COL25A1: variants seen among roughly 807,000 people sequenced by gnomAD.
COL25A1 encodes the protein collagen type XXV alpha 1 chain.
In COL25A1, 103 loss-of-function variants were observed where a neutral mutation model predicts 128.4. That is an observed-to-expected ratio of 0.80 (90% CI 0.68 to 0.94). COL25A1 has a LOEUF of 0.94. Ranked by LOEUF, COL25A1 falls within the 40% of genes least tolerant of loss-of-function variation. The probability of loss-of-function intolerance (pLI) is 0.00; values close to 1 mark genes in which losing one functional copy is unlikely to be tolerated. For synonymous variants in COL25A1, 279 were observed against 277.2 expected (o/e 1.01, Z -0.06); for missense variants, 745 against 840.0 (o/e 0.89, Z 1.40).
intron 3 of COL25A1, among the ~76,000 whole-genome samples, chr4:109,173,278 AG>A (rs1384793427): frequency 1.3e-5 from 2 of 151,966 alleles, no homozygotes; most frequent in Non-Finnish European, 2.9e-5. Flanking sequence ...AGTAGAGATG[AG>A]GTCTCACTAT....
At chr4:108,834,391 C>A in intron 31 of COL25A1, 1 of 1,550,504 alleles carries the variant, frequency 6.4e-7, no homozygotes, top group Non-Finnish European at 8.7e-7. Flanking sequence ...CAGATGCTCC[C>A]TGTGTGATTT....
At chr4:108,896,835 A>G in intron 15 of COL25A1, 124 bp from the exon 16 acceptor site, 1 of 804,902 alleles carries the variant, frequency 1.2e-6, no homozygotes, top group Non-Finnish European at 2.1e-6. Flanking sequence ...AATGCTCTAT[A>G]GAGCTAATGT....
At chr4:108,929,820 TG>T (rs2125913331) in intron 11 of COL25A1, among the ~76,000 whole-genome samples, 1 of 152,262 alleles carries the variant, frequency 6.6e-6, no homozygotes, top group East Asian at 1.9e-4. Context: ...AGCAAGACCC[TG>T]TCTCTAAAAC....
At chr4:109,238,728 C>T (rs765724126) in intron 3 of COL25A1, among the ~76,000 whole-genome samples, 15 of 152,048 alleles carry the variant, frequency 9.9e-5, no homozygotes, top group Non-Finnish European at 2.1e-4. Context: ...CTCTGCTTCT[C>T]CTTGGGACTA....
intron 3 of COL25A1, among the ~76,000 whole-genome samples, chr4:109,148,640 T>C (rs1304660975): frequency 6.6e-6 from 1 of 152,190 alleles, no homozygotes; most frequent in African/African-American, 2.4e-5. Context: ...CCATCCTCCA[T>C]ACTGTTGCAA....
intron 3 of COL25A1, among the ~76,000 whole-genome samples, chr4:109,241,864 T>C (rs1485270124): frequency 1.3e-5 from 2 of 152,098 alleles, no homozygotes; most frequent in African/African-American, 4.8e-5. Context: ...CTTTAATTCA[T>C]TTGTACAGAT....
intron 3 of COL25A1, among the ~76,000 whole-genome samples, chr4:109,102,093 T>C (rs1178454679): frequency 1.3e-5 from 2 of 152,218 alleles, no homozygotes; most frequent in East Asian, 1.9e-4. Context: ...GTTCACCTTA[T>C]AGAAATCAAT....
At chr4:109,288,110 C>G (rs191522080) in intron 3 of COL25A1, among the ~76,000 whole-genome samples, 1 of 152,278 alleles carries the variant, frequency 6.6e-6, no homozygotes, top group Admixed American at 6.5e-5. Context: ...ATGCTCATAT[C>G]AGGCAAATGC....
chr4:109,264,850 C>T (rs1006020435), intron 3 of COL25A1, among the ~76,000 whole-genome samples: 11 of 152,170 alleles, frequency 7.2e-5, no homozygotes, highest in Admixed American at 2.6e-4. Flanking sequence ...GTGGTTTTGA[C>T]TCTAATGTTA....
chr4:109,013,316 ACT>A (rs1374201028), intron 5 of COL25A1, among the ~76,000 whole-genome samples: 4 of 107,018 alleles, frequency 3.7e-5, no homozygotes, highest in African/African-American at 1.9e-4. Context: ...ACCAATCAGC[ACT>A]CTGTTTCTAG....
At chr4:109,009,229 G>C (rs941627453) in intron 6 of COL25A1, among the ~76,000 whole-genome samples, 3 of 152,286 alleles carry the variant, frequency 2.0e-5, no homozygotes, top group South Asian at 2.1e-4. Flanking sequence ...TAGCAAACAA[G>C]CTATAACTTT....
intron 8 of COL25A1, among the ~76,000 whole-genome samples, chr4:108,951,379 ACTTTTTTTTT>A (rs1749407698): frequency 6.6e-6 from 1 of 151,644 alleles, no homozygotes; most frequent in African/African-American, 2.4e-5. Flanking sequence ...ATTTTTAGAA[ACTTTTTTTTT>A]CTTTTTTTTT....
intron 19 of COL25A1, among the ~76,000 whole-genome samples, chr4:108,879,232 C>T (rs879789048): frequency 1.8e-4 from 27 of 152,276 alleles, no homozygotes; most frequent in Non-Finnish European, 3.2e-4. Flanking sequence ...CCCTCCTAGT[C>T]CCCAAGTTCT....
At chr4:108,835,815 G>A (rs1168363997) in intron 31 of COL25A1, among the ~76,000 whole-genome samples, 2 of 139,784 alleles carry the variant, frequency 1.4e-5, no homozygotes, top group East Asian at 4.6e-4. Context: ...ATCTCCCAAA[G>A]TACTGGGATT....
At chr4:109,217,823 TAAC>T (rs1173033708) in intron 3 of COL25A1, among the ~76,000 whole-genome samples, 1 of 152,194 alleles carries the variant, frequency 6.6e-6, no homozygotes, top group Non-Finnish European at 1.5e-5. Flanking sequence ...GTTTAGTCAA[TAAC>T]AACAGGAAAA....
At chr4:108,936,361 G>A (rs1375079120) in intron 11 of COL25A1, among the ~76,000 whole-genome samples, 1 of 152,054 alleles carries the variant, frequency 6.6e-6, no homozygotes, top group Non-Finnish European at 1.5e-5. Context: ...AAGGTCAGGA[G>A]ATCAAGACCA....
intron 3 of COL25A1, among the ~76,000 whole-genome samples, chr4:109,076,829 G>T (rs1763421913): frequency 6.6e-6 from 1 of 151,906 alleles, no homozygotes; most frequent in South Asian, 2.1e-4. Flanking sequence ...TCCCTCACAT[G>T]CACAGTTCAC....
intron 8 of COL25A1, among the ~76,000 whole-genome samples, chr4:108,945,383 C>T (rs1052888111): frequency 2.0e-5 from 3 of 152,118 alleles, no homozygotes; most frequent in Non-Finnish European, 2.9e-5. Flanking sequence ...ATCTTCAGTA[C>T]AGGTGTTGAC....
At chr4:109,031,204 C>A (rs373483483) in intron 5 of COL25A1, among the ~76,000 whole-genome samples, 1 of 152,180 alleles carries the variant, frequency 6.6e-6, no homozygotes, top group East Asian at 1.9e-4. Flanking sequence ...CTCCACCTCC[C>A]GGGTCCACGC....
Sources: gnomAD v4.1 joint callset for allele counts (sites outside exome capture counted in the v4.1 genomes callset) on GRCh38, gnomAD v4.1.1 for gene constraint, MANE v1.5 for transcripts, NCBI Gene and HGNC (gene_info 2026-07-23, HGNC 2026-07-21) for gene names.